The following RAB9A variants were observed in gnomAD, a reference collection of about 807,000 sequenced individuals.
RAB9A encodes RAB9A, member RAS oncogene family.
Under a neutral mutation model 10.3 loss-of-function variants are expected in RAB9A, and 1 was observed. The ratio of observed to expected loss-of-function variants is 0.10; its 90% CI spans 0.03 to 0.46. RAB9A has a LOEUF of 0.46. Ranked by LOEUF, RAB9A falls within the 20% of genes least tolerant of loss-of-function variation. RAB9A has a pLI of 0.96. For missense variants in RAB9A, 92 were observed against 150.3 expected (o/e 0.61, Z 2.03); for synonymous variants, 39 against 55.2 (o/e 0.71, Z 1.30).
rs2046181952 is a variant in RAB9A, at chrX:13,703,177, AATCTCAGAAACAG to A, written c.-115-634_-115-622del. Among the ~76,000 whole-genome samples the A allele has an allele frequency of 2.7e-5, 3 of 112,615 alleles. No homozygotes were observed. In the East Asian group the frequency reaches 8.3e-4, roughly 31 times the overall value. On this transcript the variant is annotated intron_variant, in intron 1 of 2. Coordinates refer to ENST00000464506, the MANE Select transcript of RAB9A (RefSeq NM_004251.5). The stretch of plus-strand genomic sequence containing the variant: ...ATTCTACCTGCAGCAACAACAGTAG[AATCTCAGAAACAG>A]ATGCATAGGCAGCTGGGATTGACGT...
At chrX:13,698,774 G>A (rs1300764517) in intron 1 of RAB9A, among the ~76,000 whole-genome samples, 3 of 111,321 alleles carry the variant, frequency 2.7e-5, no homozygotes, top group Non-Finnish European at 5.7e-5. Flanking sequence ...AGTGAGACAC[G>A]CCTAAATTAA....
intron 1 of RAB9A, among the ~76,000 whole-genome samples, chrX:13,700,188 G>T (rs1354736346): frequency 1.8e-5 from 2 of 111,769 alleles, no homozygotes; most frequent in African/African-American, 6.5e-5. Context: ...GGGCTCAAGT[G>T]ATCTGCCCAT....
intron 2 of RAB9A, among the ~76,000 whole-genome samples, chrX:13,704,553 C>T (rs1476017781): frequency 2.7e-5 from 3 of 109,989 alleles, no homozygotes; most frequent in African/African-American, 9.9e-5. Flanking sequence ...TTGAATTGAA[C>T]AATTAAATTA....
At chrX:13,706,580 G>A (rs1394285539) in intron 2 of RAB9A, among the ~76,000 whole-genome samples, 1 of 102,169 alleles carries the variant, frequency 9.8e-6, no homozygotes, top group Non-Finnish European at 2.0e-5. Context: ...TGTATTTTTA[G>A]TAGAGACGGG....
chrX:13,689,306 C>G lies in RAB9A; in HGVS notation c.-116+18C>G, dbSNP rs904164639. 8.9e-6 allele frequency: 1 copy of G among 112,843 alleles called. No individual in the cohort carries two copies. Among genetic ancestry groups the G allele is most frequent in the African/African-American group, 3.2e-5 (1 of 31,052 alleles). 9.3% of individuals were successfully genotyped at this position (112,843 alleles called of 1,213,427 possible). ...GCCGCGAGGTGAGCGGGACTCGGGA[C>G]TCCTTCGGGACCGGGCGGAGTGCGC... On this transcript the variant is annotated intron_variant, in intron 1 of 2. Coordinates refer to ENST00000464506, the MANE Select transcript of RAB9A (RefSeq NM_004251.5).
intron 2 of RAB9A, among the ~76,000 whole-genome samples, chrX:13,707,006 A>G (rs1225677947): frequency 2.7e-5 from 3 of 112,157 alleles, no homozygotes; most frequent in Non-Finnish European, 5.6e-5. Context: ...CTTCCCATGG[A>G]GGGATTCATA....
At chrX:13,708,059 C>T (rs2046205138) in intron 2 of RAB9A, among the ~76,000 whole-genome samples, 3 of 111,515 alleles carry the variant, frequency 2.7e-5, no homozygotes, top group Admixed American at 1.9e-4. Flanking sequence ...TGGTGTCTCA[C>T]GCCTGTAGTC....
intron 2 of RAB9A, among the ~76,000 whole-genome samples, chrX:13,704,732 C>T (rs2046190341): frequency 1.8e-5 from 2 of 109,590 alleles, no homozygotes; most frequent in Admixed American, 2.0e-4. Context: ...CTCATGCCTC[C>T]GCCTCCTGAG....
intron 1 of RAB9A, among the ~76,000 whole-genome samples, chrX:13,692,716 G>A (rs1183082073): frequency 3.6e-5 from 4 of 111,891 alleles, no homozygotes; most frequent in Non-Finnish European, 7.5e-5. Flanking sequence ...GGGAGGGAGT[G>A]GTTGACTGGA....
intron 1 of RAB9A, among the ~76,000 whole-genome samples, chrX:13,692,414 G>T (rs2046129888): frequency 8.9e-6 from 1 of 112,417 alleles, no homozygotes; most frequent in Non-Finnish European, 1.9e-5. Context: ...GGGAAAACTT[G>T]ATGTGTGTGT....
At chrX:13,704,968 C>T (rs1264761204) in intron 2 of RAB9A, among the ~76,000 whole-genome samples, 1 of 111,658 alleles carries the variant, frequency 9.0e-6, no homozygotes. Context: ...TAATGTTTAA[C>T]CTTGGTGAAA....
intron 1 of RAB9A, among the ~76,000 whole-genome samples, chrX:13,690,033 T>A (rs148587569): frequency 0.015 from 1,641 of 109,126 alleles, 30 homozygotes; most frequent in African/African-American, 0.053. Flanking sequence ...ATAACTTTTC[T>A]GCTAGTTTCC....
chrX:13,707,069 C>T (rs762382542), intron 2 of RAB9A, among the ~76,000 whole-genome samples: 4 of 112,256 alleles, frequency 3.6e-5, no homozygotes, highest in African/African-American at 1.3e-4. Context: ...GATCTGTGCT[C>T]TCCAATTGGC....
chrX:13,708,949 G>A lies in RAB9A; in HGVS notation c.203G>A (p.Arg68Gln). The change falls in exon 3 of 3, where the codon CGA becomes CAA. Residue 68 changes from arginine (R) to glutamine (Q), a missense_variant. Physicochemically the swap from Arg to Gln is conservative, Grantham distance 43. Coordinates refer to ENST00000464506, the MANE Select transcript of RAB9A (RefSeq NM_004251.5). ...ATTTGGGACACGGCAGGTCAGGAGC[G>A]ATTCCGAAGCCTGAGGACACCATTT... ...MQIWDTAGQERFRSLRTPFYR... is the reference protein window; with the variant it reads ...MQIWDTAGQEQFRSLRTPFYR... The A allele has an allele frequency of 8.3e-7, 1 of 1,211,666 alleles. No homozygotes were observed. Among genetic ancestry groups the A allele is most frequent in the Non-Finnish European group, 1.1e-6 (1 of 895,498 alleles).
chrX:13,708,320 CA>C (rs753443181), intron 2 of RAB9A, among the ~76,000 whole-genome samples: 48 of 93,152 alleles, frequency 5.2e-4, no homozygotes, highest in Middle Eastern at 5.5e-3. Context: ...GATCCTGTCT[CA>C]AAAAAAAAAA....
At position 13,709,943 on chromosome X, in the gene RAB9A, AC is replaced by A. The variant is rs1056623913; in HGVS notation, c.*596del. 1 of 123,287 alleles carries A rather than the reference AC, an allele frequency of 8.1e-6. No homozygotes were observed. Among genetic ancestry groups the A allele is most frequent in the Non-Finnish European group, 1.9e-5 (1 of 53,360 alleles). 10.2% of individuals were successfully genotyped at this position (123,287 alleles called of 1,213,427 possible). ...CTCATCATTTGTGTGCCATTCATGC[AC>A]CCCCACCCCCATAAATCATGTTCCA... On this transcript the variant is annotated 3_prime_UTR_variant, in exon 3 of 3. Coordinates refer to ENST00000464506, the MANE Select transcript of RAB9A (RefSeq NM_004251.5).
At chrX:13,691,278 A>G (rs2046121481) in intron 1 of RAB9A, among the ~76,000 whole-genome samples, 1 of 111,104 alleles carries the variant, frequency 9.0e-6, no homozygotes, top group Non-Finnish European at 1.9e-5. Context: ...TTTCAAATGC[A>G]ATGTCGTTTT....
intron 2 of RAB9A, among the ~76,000 whole-genome samples, chrX:13,708,496 A>G (rs944650679): frequency 9.0e-6 from 1 of 111,254 alleles, no homozygotes; most frequent in Non-Finnish European, 1.9e-5. Context: ...TTCACAGTCA[A>G]CTGTGACCTG....
At chrX:13,700,703 G>C (rs1190927545) in intron 1 of RAB9A, among the ~76,000 whole-genome samples, 1 of 111,655 alleles carries the variant, frequency 9.0e-6, no homozygotes, top group South Asian at 3.7e-4. Context: ...CTCTAGTAGT[G>C]TAAATCTAAT....
Sources: gnomAD v4.1 joint callset for allele counts (sites outside exome capture counted in the v4.1 genomes callset) on GRCh38, gnomAD v4.1.1 for gene constraint, MANE v1.5 for transcripts, NCBI Gene and HGNC (gene_info 2026-07-23, HGNC 2026-07-21) for gene names.